The following CUBN variants were observed in gnomAD, a reference collection of about 807,000 sequenced individuals.
The protein encoded by CUBN is cubilin, also known as 460 kDa receptor.
CUBN carries 282 observed loss-of-function variants against 405.3 expected under a neutral mutation model. That is an observed-to-expected ratio of 0.70 (90% CI 0.63 to 0.77). The LOEUF (loss-of-function observed/expected upper bound fraction) is 0.77, where lower values mean the gene tolerates loss of function less well. CUBN is among the 30% of genes least tolerant of loss of function. The pLI, the probability that CUBN is intolerant of heterozygous loss-of-function variation, is 0.00. For missense variants in CUBN, 4,514 were observed against 4,475.2 expected, an observed-to-expected ratio of 1.01 and a Z score of -0.25; for synonymous variants, 1,684 against 1,617.0, an observed-to-expected ratio of 1.04 and a Z score of -0.99.
chr10:17,073,492 G>C, intron 17 of CUBN, among the ~76,000 whole-genome samples: 1 of 144,766 alleles, frequency 6.9e-6, no homozygotes. Flanking sequence ...TGTCACCCAG[G>C]CTGGAGTGCA....
intron 15 of CUBN, among the ~76,000 whole-genome samples, chr10:17,087,381 C>T (rs1195672252): frequency 6.6e-6 from 1 of 151,482 alleles, no homozygotes; most frequent in African/African-American, 2.4e-5. Context: ...GCAGAAGGAG[C>T]TTCGGCTGAT....
At chr10:17,119,334 G>A (rs1363672097) in intron 6 of CUBN, among the ~76,000 whole-genome samples, 1 of 152,168 alleles carries the variant, frequency 6.6e-6, no homozygotes, top group Non-Finnish European at 1.5e-5. Flanking sequence ...TGCATGGCAA[G>A]CTCAGATCCC....
chr10:17,055,326 G>A (rs1243724589), intron 22 of CUBN, among the ~76,000 whole-genome samples: 7 of 151,956 alleles, frequency 4.6e-5, no homozygotes, highest in Non-Finnish European at 1.0e-4. Context: ...AGTGGTAAAG[G>A]ACTAAACGCT....
In CUBN at chr10:16,904,099, G is replaced by C; in HGVS notation, c.7929C>G (p.Pro2643=). The C allele has an allele frequency of 6.2e-7, 1 of 1,613,834 alleles. No individual in the cohort carries two copies. Among genetic ancestry groups the C allele is most frequent in the South Asian group, 1.1e-5 (1 of 91,062 alleles). The change falls in exon 51 of 67, where the codon CCC becomes CCG. Residue 2643 remains proline, a synonymous_variant. Coordinates refer to ENST00000377833, the MANE Select transcript of CUBN (RefSeq NM_001081.4). The part of the protein sequence containing the change: ...LEFRVGDADG[P]LMWRLCGPSK... The stretch of plus-strand genomic sequence containing the variant: ...AAGGACCACAAAGTCTCCACATCAG[G>C]GGCCCATCAGCATCACCTGAACAAA...
chr10:16,830,514 A>C (rs1838955580), intron 65 of CUBN, among the ~76,000 whole-genome samples: 1 of 152,234 alleles, frequency 6.6e-6, no homozygotes, highest in Admixed American at 6.5e-5. Flanking sequence ...GAAGATACTT[A>C]CTACCCTAAA....
chr10:16,892,035 C>G (rs2669150), intron 54 of CUBN, among the ~76,000 whole-genome samples: 71,323 of 152,066 alleles, frequency 0.47, 18,950 homozygotes, highest in Middle Eastern at 0.63. Context: ...CATCTCTTCT[C>G]AAGGATATTC....
At chr10:16,980,881 T>A (rs76801750) in intron 31 of CUBN, among the ~76,000 whole-genome samples, 3,779 of 99,496 alleles carry the variant, frequency 0.038, 156 homozygotes, top group African/African-American at 0.11. Context: ...AGCCAAAAAA[T>A]TTAAAAACAG....
intron 31 of CUBN, among the ~76,000 whole-genome samples, chr10:16,980,400 A>G (rs1833232566): frequency 6.6e-6 from 1 of 152,250 alleles, no homozygotes; most frequent in African/African-American, 2.4e-5. Context: ...ACGTATGTTT[A>G]CTGCAGCACT....
intron 64 of CUBN, among the ~76,000 whole-genome samples, chr10:16,833,767 T>C (rs1338681738): frequency 6.6e-6 from 1 of 152,120 alleles, no homozygotes. Context: ...GAAAGAATCG[T>C]CCCACAGAAT....
intron 31 of CUBN, among the ~76,000 whole-genome samples, chr10:16,972,955 T>A (rs1832977268): frequency 6.6e-6 from 1 of 152,152 alleles, no homozygotes; most frequent in Non-Finnish European, 1.5e-5. Context: ...TCTTTCTTTT[T>A]CTCTGCCAAG....
intron 59 of CUBN, among the ~76,000 whole-genome samples, chr10:16,864,212 T>A (rs913012672): frequency 6.6e-6 from 1 of 152,240 alleles, no homozygotes; most frequent in African/African-American, 2.4e-5. Flanking sequence ...TTAATCAGAA[T>A]GTAGCTTTTG....
rs762094683 is a variant in CUBN at position 17,088,336 on chromosome 10, C to T, written c.1775G>A (p.Gly592Asp). Reference protein sequence around the residue: ...RWETQQPECGGILTGPYGSIK... With the variant: ...RWETQQPECGDILTGPYGSIK... ...AGAACCGTAAGGACCAGTCAGGATA[C>T]CTCCACACTCTAAAATAAGAGGGAA... Residue 592 changes from glycine (G) to aspartate (D), a missense_variant, in exon 15 of 67, where the codon GGT (glycine) becomes GAT (aspartate). Gly to Asp is a moderately conservative substitution (Grantham distance 94). This residue lies in a region of CUBN where 1,448 missense variants were observed against 1,388.0 expected (regional missense o/e 1.04). Transcript: ENST00000377833. 1.2e-6 allele frequency: 2 copies of T among 1,609,416 alleles called. No homozygotes were observed. The highest frequency in any genetic ancestry group is 1.7e-6 in the Non-Finnish European group (2 of 1,175,866).
chr10:17,063,932 A>G (rs2131840461), intron 22 of CUBN, among the ~76,000 whole-genome samples: 1 of 152,356 alleles, frequency 6.6e-6, no homozygotes, highest in African/African-American at 2.4e-5. Context: ...ACTTGCTCCA[A>G]ATCCTGATCT....
Position 17,049,147 on chromosome 10 carries a change from A to G in CUBN, c.3140-1544T>C, listed in dbSNP as rs79551174. On this transcript the variant is annotated intron_variant, in intron 22 of 66. Coordinates refer to ENST00000377833, the MANE Select transcript of CUBN (RefSeq NM_001081.4). ...GAATAAGACAGACAGAAGGGAGACA[A>G]CAGGAAAGGCAGAAAAGAGGGATAA... Among the ~76,000 whole-genome samples, 656 of 152,370 alleles carry G rather than the reference A, an allele frequency of 4.3e-3. 2 individuals are homozygous for G. Among genetic ancestry groups the G allele is most frequent in the African/African-American group, 0.015 (618 of 41,592 alleles).
intron 28 of CUBN, among the ~76,000 whole-genome samples, chr10:17,013,410 TCC>T (rs1452744227): frequency 6.9e-6 from 1 of 144,416 alleles, no homozygotes; most frequent in Non-Finnish European, 1.5e-5. Context: ...GTCTCTCTCT[TCC>T]TCTCTCTGTC....
chr10:17,009,248 G>A (rs1834111566), intron 28 of CUBN, among the ~76,000 whole-genome samples: 1 of 152,182 alleles, frequency 6.6e-6, no homozygotes, highest in African/African-American at 2.4e-5. Flanking sequence ...GTCCCAGCTG[G>A]CAACATTTTG....
At chr10:16,961,455 C>T (rs980042822) in intron 31 of CUBN, among the ~76,000 whole-genome samples, 2 of 152,178 alleles carry the variant, frequency 1.3e-5, no homozygotes, top group African/African-American at 4.8e-5. Context: ...AACTTTGTCA[C>T]ATGTCAAGTG....
chr10:16,923,437 A>C (rs1842094138), intron 43 of CUBN, among the ~76,000 whole-genome samples: 1 of 152,112 alleles, frequency 6.6e-6, no homozygotes, highest in African/African-American at 2.4e-5. Flanking sequence ...GTGGCATGGA[A>C]ATAGATATGG....
At chr10:16,955,640 G>A (rs918952418) in intron 31 of CUBN, among the ~76,000 whole-genome samples, 1 of 152,142 alleles carries the variant, frequency 6.6e-6, no homozygotes, top group African/African-American at 2.4e-5. Flanking sequence ...TCCTTTGCTT[G>A]GATGATTAAT....
Sources: gnomAD v4.1 joint callset for allele counts (sites outside exome capture counted in the v4.1 genomes callset) on GRCh38, gnomAD v4.1.1 for gene constraint, gnomAD v4.1.1 regional missense constraint, MANE v1.5 for transcripts, NCBI Gene and HGNC (gene_info 2026-07-23, HGNC 2026-07-21) for gene names.